The following NUP153 variants were observed in gnomAD, a reference collection of about 807,000 sequenced individuals.
The protein encoded by NUP153 is nuclear pore complex protein Nup153.
Under a neutral mutation model 134.6 loss-of-function variants are expected in NUP153, and 27 were observed. The observed-to-expected ratio is 0.20, with a 90% CI of 0.15 to 0.28. The LOEUF (loss-of-function observed/expected upper bound fraction) is 0.28, where lower values mean the gene tolerates loss of function less well. Ranked by LOEUF, NUP153 falls within the 10% of genes least tolerant of loss-of-function variation. The pLI, the probability that NUP153 is intolerant of heterozygous loss-of-function variation, is 1.00. For synonymous variants in NUP153, 640 were observed against 623.5 expected, an observed-to-expected ratio of 1.03 and a Z score of -0.40; for missense variants, 1,821 against 1,731.3, an observed-to-expected ratio of 1.05 and a Z score of -0.92.
intron 14 of NUP153, among the ~76,000 whole-genome samples, chr6:17,643,665 C>G (rs376308519): frequency 3.9e-5 from 6 of 152,168 alleles, no homozygotes; most frequent in Admixed American, 1.3e-4. Context: ...TAGCTCCTGT[C>G]ACAAAGTAAT....
chr6:17,644,807 A>G (rs1283466670), intron 14 of NUP153, among the ~76,000 whole-genome samples: 2 of 151,938 alleles, frequency 1.3e-5, no homozygotes, highest in Non-Finnish European at 2.9e-5. Flanking sequence ...AGCCAGGGGC[A>G]GGGCGCGGTG....
At chr6:17,631,790 C>G (rs991173579) in intron 17 of NUP153, among the ~76,000 whole-genome samples, 1 of 151,980 alleles carries the variant, frequency 6.6e-6, no homozygotes, top group Non-Finnish European at 1.5e-5. Context: ...CATGGTGAAA[C>G]CCCCGTCTCT....
chr6:17,699,437 C>T (rs1182774966), intron 1 of NUP153, among the ~76,000 whole-genome samples: 2 of 148,768 alleles, frequency 1.3e-5, no homozygotes, highest in Admixed American at 1.4e-4. Context: ...GAGCCGAAAT[C>T]GCACCATTGC....
intron 9 of NUP153, 76 bp downstream of exon 9, chr6:17,665,163 A>G (rs543141602): frequency 5.0e-5 from 53 of 1,062,444 alleles, no homozygotes; most frequent in Non-Finnish European, 6.6e-5. Context: ...ATACAATGGT[A>G]GTTATATTTT....
In NUP153 at chr6:17,628,910, C is replaced by T. The variant is rs141259717; in HGVS notation, c.3289G>A (p.Val1097Met). 93 of 1,614,206 alleles carry T rather than the reference C, an allele frequency of 5.8e-5. No homozygotes were observed. In the African/African-American group the frequency reaches 1.1e-3, roughly 19 times the overall value. Residue 1097 changes from valine (V) to methionine (M), a missense_variant, in exon 18 of 22, where the codon GTG (valine) becomes ATG (methionine). Physicochemically the swap from Val to Met is conservative, Grantham distance 21. Coordinates refer to ENST00000262077, the MANE Select transcript of NUP153 (RefSeq NM_005124.4). The surrounding 1 kb of genome is among the most constrained non-coding windows in gnomAD (Gnocchi z 5.4). The stretch of plus-strand genomic sequence containing the variant: ...TCTTCTGTCCTTCCCAAAACAAACA[C>T]TGAGGCAGATGGCAGAGAGGCAGGC... Reference protein sequence around the residue: ...VEPASLPSASVFVLGRTEEKQ... With the variant: ...VEPASLPSASMFVLGRTEEKQ...
At chr6:17,617,373 T>C (rs1764386092) in intron 20 of NUP153, among the ~76,000 whole-genome samples, 1 of 146,666 alleles carries the variant, frequency 6.8e-6, no homozygotes, top group South Asian at 2.1e-4. Flanking sequence ...AAACGAGCAG[T>C]AGGGAAAGAA....
chr6:17,640,366 A>C (rs1765775820), intron 14 of NUP153, among the ~76,000 whole-genome samples: 1 of 152,236 alleles, frequency 6.6e-6, no homozygotes, highest in Admixed American at 6.5e-5. Flanking sequence ...ACTGGAGAGG[A>C]TATGGCAACT....
At chr6:17,682,916 A>G (rs1768680518) in intron 2 of NUP153, among the ~76,000 whole-genome samples, 2 of 117,784 alleles carry the variant, frequency 1.7e-5, no homozygotes, top group Admixed American at 1.9e-4. Context: ...AGACTGTCTC[A>G]AAAAAGAAGA....
At chr6:17,683,454 C>T (rs1340366369) in intron 2 of NUP153, among the ~76,000 whole-genome samples, 1 of 152,198 alleles carries the variant, frequency 6.6e-6, no homozygotes, top group East Asian at 1.9e-4. Context: ...ATGCACATCT[C>T]ATTAGAGCTC....
intron 11 of NUP153, among the ~76,000 whole-genome samples, chr6:17,658,288 C>T (rs1239383773): frequency 2.0e-5 from 3 of 152,066 alleles, no homozygotes; most frequent in African/African-American, 7.2e-5. Flanking sequence ...CACAGTTACT[C>T]GGGAGGCTGA....
intron 1 of NUP153, among the ~76,000 whole-genome samples, chr6:17,704,730 CAAAAA>C (rs10713867): frequency 7.2e-6 from 1 of 139,488 alleles, no homozygotes; most frequent in African/African-American, 2.7e-5. Context: ...AACTAGAAGA[CAAAAA>C]AAAAAAAATT....
At chr6:17,669,943 A>T (rs545694346) in intron 5 of NUP153, among the ~76,000 whole-genome samples, 1 of 151,782 alleles carries the variant, frequency 6.6e-6, no homozygotes, top group Admixed American at 6.6e-5. Flanking sequence ...AAAATACAAA[A>T]AATTAGCCAG....
chr6:17,674,597 C>T (rs986928949), intron 5 of NUP153, among the ~76,000 whole-genome samples: 12 of 151,966 alleles, frequency 7.9e-5, no homozygotes, highest in African/African-American at 2.4e-4. Context: ...CAGTGAAACC[C>T]GTCTCTACTA....
Position 17,629,303 on chromosome 6 carries a change from C to T in NUP153, c.2896G>A (p.Glu966Lys). The T allele has an allele frequency of 6.2e-7, 1 of 1,607,794 alleles. No homozygotes were observed. Among genetic ancestry groups the T allele is most frequent in the South Asian group, 1.1e-5 (1 of 89,294 alleles). ...IGDFKFGVSS[E>K]SKPEEVKKDS... ...TTTTTAACTTCTTCGGGCTTAGATT[C>T]AGATGAAACTCCAAATTTAAAATCT... is the stretch of plus-strand genomic sequence containing the variant. Residue 966 changes from glutamate (E) to lysine (K), a missense_variant, in exon 18 of 22, where the codon GAA becomes AAA. Coordinates refer to ENST00000262077, the MANE Select transcript of NUP153 (RefSeq NM_005124.4).
intron 1 of NUP153, among the ~76,000 whole-genome samples, chr6:17,697,003 G>A (rs904475197): frequency 6.6e-5 from 10 of 151,516 alleles, no homozygotes; most frequent in African/African-American, 1.9e-4. Flanking sequence ...CCTGGGAGAC[G>A]GAGGTTGCAG....
At chr6:17,695,112 C>A (rs1328897309) in intron 1 of NUP153, among the ~76,000 whole-genome samples, 3 of 152,202 alleles carry the variant, frequency 2.0e-5, no homozygotes. Flanking sequence ...AATGCTAAAT[C>A]TAGTAAAACT....
rs749029886 is a variant in NUP153, at chr6:17,665,282, C to A, written c.1172G>T (p.Gly391Val). 5.0e-6 allele frequency: 8 copies of A among 1,611,258 alleles called. No homozygotes were observed. Among genetic ancestry groups the A allele is most frequent in the Non-Finnish European group, 6.8e-6 (8 of 1,177,576 alleles). Residue 391 changes from glycine (G) to valine (V), a missense_variant, in exon 9 of 22, where the codon GGT becomes GTT. Transcript: ENST00000262077. ...VYFKPSLTPS[G>V]EFRKTNQRID... ...TCTTTGATTAGTCTTCCTGAATTCA[C>A]CAGAAGGAGTCAGAGATGGTTTAAA...
At chr6:17,664,141 ACT>A (rs1230879589) in intron 9 of NUP153, among the ~76,000 whole-genome samples, 1 of 152,204 alleles carries the variant, frequency 6.6e-6, no homozygotes, top group African/African-American at 2.4e-5. Context: ...AAAATGAAGT[ACT>A]GATACATACT....
At chr6:17,645,017 G>A (rs956399472) in intron 14 of NUP153, among the ~76,000 whole-genome samples, 1 of 151,908 alleles carries the variant, frequency 6.6e-6, no homozygotes, top group Non-Finnish European at 1.5e-5. Flanking sequence ...CCTGGGAGGC[G>A]GAGGTTGCAG....
Sources: gnomAD v4.1 joint callset for allele counts (sites outside exome capture counted in the v4.1 genomes callset) on GRCh38, gnomAD v4.1.1 for gene constraint, Gnocchi (gnomAD v3.1) non-coding constraint, MANE v1.5 for transcripts, NCBI Gene and HGNC (gene_info 2026-07-23, HGNC 2026-07-21) for gene names.